Variants in COL16A1 observed in about 807,000 individuals in gnomAD.
COL16A1 encodes the protein collagen alpha-1(XVI) chain.
COL16A1 carries 189 observed loss-of-function variants against 266.3 expected under a neutral mutation model. The observed-to-expected ratio is 0.71, with a 90% CI of 0.63 to 0.80. COL16A1 has a LOEUF of 0.80. Ranked by LOEUF, COL16A1 falls within the 30% of genes least tolerant of loss-of-function variation. The probability of loss-of-function intolerance (pLI) is 0.00; values close to 1 mark genes in which losing one functional copy is unlikely to be tolerated. For missense variants in COL16A1, 1,928 were observed against 2,122.4 expected (o/e 0.91, Z 1.80); for synonymous variants, 740 against 782.3 (o/e 0.95, Z 0.90).
chr1:31,695,725 G>A, intron 10 of COL16A1, 36 bp downstream of exon 10: 2 of 1,609,884 alleles, frequency 1.2e-6, no homozygotes, highest in Non-Finnish European at 1.7e-6. Context: ...GTTCATGCTG[G>A]CACCTCCCCT....
intron 66 of COL16A1, chr1:31,655,745 C>CGTG (rs1641080247): frequency 1.6e-6 from 1 of 621,304 alleles, no homozygotes; most frequent in Non-Finnish European, 2.6e-6. Flanking sequence ...AGCACTCATT[C>CGTG]GTTGGCCGGG....
chr1:31,693,558 C>T (rs560961077), intron 12 of COL16A1, among the ~76,000 whole-genome samples: 19 of 152,296 alleles, frequency 1.2e-4, no homozygotes, highest in South Asian at 1.2e-3. Context: ...TAGCATGTCA[C>T]TCAGAGCAGG....
chr1:31,697,360 CCCCCAGGAGGCACAGAGATGTCTCTG>C lies in COL16A1; in HGVS notation c.658-86_658-61del. ...TTATCAAATAGCTCTGTGTCCTGGC[CCCCCAGGAGGCACAGAGATGTCTCTG>C]CCCCAGGATGTGACCTCAGGGTGTT... is the stretch of plus-strand genomic sequence containing the variant. On this transcript the variant is annotated intron_variant, in intron 6 of 70. Coordinates refer to ENST00000373672, the MANE Select transcript of COL16A1 (RefSeq NM_001856.4). The surrounding 1 kb of genome is among the most constrained non-coding windows in gnomAD (Gnocchi z 4.2). 1 of 1,475,144 alleles carries C rather than the reference CCCCCAGGAGGCACAGAGATGTCTCTG, an allele frequency of 6.8e-7. No individual in the cohort carries two copies. The highest frequency in any genetic ancestry group is 1.4e-5 in the African/African-American group (1 of 71,714). The allele number at this position is 1,475,144 out of a possible 1,614,324, so 91.4% of individuals were successfully genotyped here.
At position 31,686,149 on chromosome 1, in the gene COL16A1, C is replaced by T. The variant is rs775655707; in HGVS notation, c.1840-14G>A. The T allele has an allele frequency of 4.3e-5, 69 of 1,613,852 alleles. No homozygotes were observed. The East Asian group carries it at 4.7e-4, about 11-fold the overall frequency. ...TCCTGGTGGCCCCTGCATGTTAAGA[C>T]GCTACAGGTAATGCCCAGCATCTGC... On this transcript the variant is annotated splice_polypyrimidine_tract_variant and intron_variant, in intron 27 of 70. Coordinates refer to ENST00000373672, the MANE Select transcript of COL16A1 (RefSeq NM_001856.4).
At position 31,670,569 on chromosome 1, in the gene COL16A1, G is replaced by T. The variant is rs1314292186; in HGVS notation, c.3195+33C>A. The T allele has an allele frequency of 1.5e-6, 2 of 1,357,188 alleles. No homozygotes were observed. The highest frequency in any genetic ancestry group is 1.9e-6 in the Non-Finnish European group (2 of 1,049,138). 84.1% of individuals were successfully genotyped at this position (1,357,188 alleles called of 1,614,324 possible). On this transcript the variant is annotated intron_variant, in intron 49 of 70. Coordinates refer to ENST00000373672, the MANE Select transcript of COL16A1 (RefSeq NM_001856.4). The surrounding 1 kb of genome is among the most constrained non-coding windows in gnomAD (Gnocchi z 4.5). ...AGCCACAGAGACCTGGCTGACGGGG[G>T]GGAGGGGAGGTCGAGCAGCGCTAGG...
At chr1:31,693,316 A>C in intron 12 of COL16A1, 162 bp from the exon 13 acceptor site, 1 of 617,244 alleles carries the variant, frequency 1.6e-6, no homozygotes, top group Non-Finnish European at 3.0e-6. Context: ...CCCCCACCAC[A>C]CACAAGCATA....
At chr1:31,680,147 C>T in intron 39 of COL16A1, 46 bp from the exon 40 acceptor site, 1 of 1,597,132 alleles carries the variant, frequency 6.3e-7, no homozygotes, top group Non-Finnish European at 8.5e-7. Flanking sequence ...AGACGAAGGG[C>T]TCTCTTGAAA....
Position 31,695,797 on chromosome 1 carries a change from G to A in COL16A1, c.919-10C>T, listed in dbSNP as rs1644470313. 1 of 1,612,632 alleles carries A rather than the reference G, an allele frequency of 6.2e-7. No individual in the cohort carries two copies. The highest frequency in any genetic ancestry group is 8.5e-7 in the Non-Finnish European group (1 of 1,179,142). On this transcript the variant is annotated splice_polypyrimidine_tract_variant and intron_variant, in intron 9 of 70. Coordinates refer to ENST00000373672, the MANE Select transcript of COL16A1 (RefSeq NM_001856.4). The stretch of plus-strand genomic sequence containing the variant: ...CTGTCTCCTGATGGACCTGAGGAAA[G>A]GGTGGGGGGTGTGGGAATGGGCAGG...
At position 31,668,274 on chromosome 1, in the gene COL16A1, G is replaced by A. The variant is rs372086953; in HGVS notation, c.3250-56C>T. The A allele has an allele frequency of 3.7e-5, 58 of 1,581,292 alleles. No homozygotes were observed. Among genetic ancestry groups the A allele is most frequent in the East Asian group, 2.7e-4 (12 of 44,652 alleles). ...CCCCCAACATTTCTGTTCTCCCCTC[G>A]CTGGGTAAGAGGATGGCCAAAGCTA... On this transcript the variant is annotated intron_variant, in intron 50 of 70. Coordinates refer to ENST00000373672, the MANE Select transcript of COL16A1 (RefSeq NM_001856.4). The surrounding 1 kb of genome is among the most constrained non-coding windows in gnomAD (Gnocchi z 5.8).
intron 58 of COL16A1, 199 bp from the exon 59 acceptor site, chr1:31,661,903 G>A: frequency 6.2e-6 from 4 of 645,374 alleles, no homozygotes; most frequent in Middle Eastern, 3.8e-4. Flanking sequence ...TTCCTTCTTT[G>A]GGATATATAA....
Position 31,660,921 on chromosome 1 carries a change from G to A in COL16A1, c.3825+145C>T, listed in dbSNP as rs1256097799. 33 of 939,728 alleles carry A rather than the reference G, an allele frequency of 3.5e-5. 1 individual carries two copies. The highest frequency in any genetic ancestry group is 4.9e-5 in the Non-Finnish European group (31 of 633,876). 58.2% of individuals were successfully genotyped at this position (939,728 alleles called of 1,614,324 possible). On this transcript the variant is annotated intron_variant, in intron 61 of 70. Transcript: ENST00000373672. ...TAATAGGAGGGAGAAAGTTCAAGAC[G>A]TGCAGTGTTGGGTGACACCCCTCCC...
chr1:31,654,212 C>A (rs1323784498), intron 68 of COL16A1, among the ~76,000 whole-genome samples, 169 bp from the exon 69 acceptor site: 1 of 152,204 alleles, frequency 6.6e-6, no homozygotes, highest in East Asian at 1.9e-4. Flanking sequence ...GTTCCCACGT[C>A]CTGGCCTCCA....
rs1181686929 is a variant in COL16A1, at chr1:31,664,888, C to T, written c.3555+284G>A. 1.3e-5 allele frequency among the ~76,000 whole-genome samples: 2 copies of T among 152,160 alleles called. No homozygotes were observed. Among genetic ancestry groups the T allele is most frequent in the Non-Finnish European group, 2.9e-5 (2 of 68,032 alleles). On this transcript the variant is annotated intron_variant, in intron 56 of 70. Transcript: ENST00000373672. The surrounding 1 kb of genome is among the most constrained non-coding windows in gnomAD (Gnocchi z 5.5). ...ATCAGACCCCCTGCCTCCTCCCCACCTACCTCCCTGCCTTTCCCCCCATCA... is the reference window on the plus strand; with the variant it reads ...ATCAGACCCCCTGCCTCCTCCCCACTTACCTCCCTGCCTTTCCCCCCATCA...
At chr1:31,696,847 C>T in intron 8 of COL16A1, 116 bp downstream of exon 8, 3 of 1,528,300 alleles carry the variant, frequency 2.0e-6, no homozygotes, top group South Asian at 1.2e-5. Context: ...TTCCAGTGCC[C>T]CTCCTGCCCT....
At position 31,692,055 on chromosome 1, in the gene COL16A1, C is replaced by T. The variant is rs771126348; in HGVS notation, c.1207G>A (p.Glu403Lys). Reference protein sequence around the residue: ...GSTGEKGQKGEKGDGGIKGVP... With the variant: ...GSTGEKGQKGKKGDGGIKGVP... ...CCCTTGATGCCTCCGTCGCCCTTCTCGCCTTTCTGGCCCTGGGGAAGGAAG... is the reference window on the plus strand; with the variant it reads ...CCCTTGATGCCTCCGTCGCCCTTCTTGCCTTTCTGGCCCTGGGGAAGGAAG... The change falls in exon 17 of 71, where the codon GAG becomes AAG. Residue 403 changes from glutamate (E) to lysine (K), a missense_variant. Around this residue, in one of 2 missense-constraint regions of COL16A1, gnomAD observed 1,552 missense variants for 1,637.2 expected, o/e 0.95. Transcript: ENST00000373672. 1.8e-5 allele frequency: 29 copies of T among 1,613,670 alleles called. No homozygotes were observed. The highest frequency in any genetic ancestry group is 2.2e-5 in the East Asian group (1 of 44,894).
chr1:31,661,310 T>C (rs1557614980), intron 60 of COL16A1, 104 bp downstream of exon 60: 1 of 1,582,846 alleles, frequency 6.3e-7, no homozygotes, highest in African/African-American at 1.3e-5. Flanking sequence ...GAGGCTCTGA[T>C]GCTGGGATGG....
Position 31,698,027 on chromosome 1 carries a change from A to G in COL16A1, c.536T>C (p.Val179Ala), listed in dbSNP as rs1301050712. Residue 179 changes from valine to alanine, a missense_variant, in exon 6 of 71, where the codon GTG (valine) becomes GCG (alanine). By Grantham distance (64) the Val-to-Ala change is moderately conservative. Coordinates refer to ENST00000373672, the MANE Select transcript of COL16A1 (RefSeq NM_001856.4). The surrounding 1 kb of genome is among the most constrained non-coding windows in gnomAD (Gnocchi z 4.1). ...HKLMLSVAGR[V>A]ASVHVDCSSA... The stretch of plus-strand genomic sequence containing the variant: ...GCTGCAGTCCACGTGCACAGAGGCC[A>G]CACGTCCAGCCACACTCAGCATCAG... The G allele has an allele frequency of 6.2e-7, 1 of 1,613,738 alleles. No homozygotes were observed. The highest frequency in any genetic ancestry group is 1.7e-5 in the Admixed American group (1 of 60,022).
chr1:31,653,625 C>A lies in COL16A1; in HGVS notation c.4586G>T (p.Gly1529Val), dbSNP rs749926100. Residue 1529 changes from glycine to valine, a missense_variant, in exon 70 of 71, where the codon GGA becomes GTA. Transcript: ENST00000373672. ...TGGGGGGCCGGGAAGACCATTTTCT[C>A]CTGCAATGCCAATACCAATGTCCCC... is the stretch of plus-strand genomic sequence containing the variant. ...EKGDIGIGIAGENGLPGPPGP... is the reference protein window; with the variant it reads ...EKGDIGIGIAVENGLPGPPGP... 3 of 1,613,928 alleles carry A rather than the reference C, an allele frequency of 1.9e-6. No individual in the cohort carries two copies. In the Admixed American group the frequency reaches 5.0e-5, roughly 27 times the overall value.
intron 10 of COL16A1, 24 bp from the exon 11 acceptor site, chr1:31,695,245 A>T (rs756127318): frequency 1.2e-6 from 2 of 1,613,462 alleles, no homozygotes; most frequent in African/African-American, 2.7e-5. Flanking sequence ...GCAGGCGAAG[A>T]GGTCAATTCT....
Sources: gnomAD v4.1 joint callset for allele counts (sites outside exome capture counted in the v4.1 genomes callset) on GRCh38, gnomAD v4.1.1 for gene constraint, gnomAD v4.1.1 regional missense constraint, Gnocchi (gnomAD v3.1) non-coding constraint, MANE v1.5 for transcripts, NCBI Gene and HGNC (gene_info 2026-07-23, HGNC 2026-07-21) for gene names.